Variants in NAV2 observed in about 807,000 individuals in gnomAD.
NAV2 encodes the protein helicase, APC down-regulated 1.
In NAV2, 54 loss-of-function variants were observed where a neutral mutation model predicts 223.2. The observed-to-expected ratio is 0.24, with a 90% CI of 0.19 to 0.30. The LOEUF (loss-of-function observed/expected upper bound fraction) is 0.30. Ranked by LOEUF, NAV2 falls within the 10% of genes least tolerant of loss-of-function variation. NAV2 has a pLI of 1.00. For missense variants in NAV2, 2,806 were observed against 3,147.5 expected, an observed-to-expected ratio of 0.89 and a Z score of 2.60; for synonymous variants, 1,279 against 1,239.3, an observed-to-expected ratio of 1.03 and a Z score of -0.67.
At chr11:19,831,226 G>GGGC (rs1555083732) in intron 1 of NAV2, among the ~76,000 whole-genome samples, 1 of 83,348 alleles carries the variant, frequency 1.2e-5, no homozygotes, top group African/African-American at 4.7e-5. Flanking sequence ...AGTGTTGCGG[G>GGGC]GGGGGGGGGG....
chr11:19,534,210 G>A (rs1276131512), intron 1 of NAV2, among the ~76,000 whole-genome samples: 3 of 152,062 alleles, frequency 2.0e-5, no homozygotes, highest in African/African-American at 7.3e-5. Flanking sequence ...CCAACCCCTG[G>A]TAGCATCGTG....
At chr11:19,696,176 T>TAA (rs936865139) in intron 1 of NAV2, among the ~76,000 whole-genome samples, 1 of 151,490 alleles carries the variant, frequency 6.6e-6, no homozygotes, top group African/African-American at 2.4e-5. Context: ...GAAAAAAAAA[T>TAA]AAAAAAAATA....
intron 1 of NAV2, among the ~76,000 whole-genome samples, chr11:19,517,114 A>G (rs2043481454): frequency 6.6e-6 from 1 of 152,106 alleles, no homozygotes; most frequent in Non-Finnish European, 1.5e-5. Context: ...TTGGTGAGAA[A>G]GTAGTAGAAG....
intron 1 of NAV2, among the ~76,000 whole-genome samples, chr11:19,571,747 T>A (rs995100212): frequency 6.6e-6 from 1 of 152,138 alleles, no homozygotes; most frequent in Non-Finnish European, 1.5e-5. Flanking sequence ...TTTTATGTTA[T>A]GTCGATTTTA....
At position 19,528,659 on chromosome 11, in the gene NAV2, C is replaced by T. The variant is rs141362873; in HGVS notation, c.75+177632C>T. On this transcript the variant is annotated intron_variant, in intron 1 of 37. Coordinates refer to the NAV2 transcript ENST00000360655. ...TTTTTAAGAATGGGAAGGCCGGGCA[C>T]GGTGGCTTATGCCTGTAATCCCAGC... is the stretch of plus-strand genomic sequence containing the variant. Among the ~76,000 whole-genome samples the T allele has an allele frequency of 1.3e-3, 190 of 151,268 alleles. 2 individuals are homozygous for T. Among genetic ancestry groups the T allele is most frequent in the African/African-American group, 4.4e-3 (179 of 40,640 alleles).
intron 1 of NAV2, among the ~76,000 whole-genome samples, chr11:19,583,813 A>T (rs994296418): frequency 3.3e-5 from 5 of 152,336 alleles, no homozygotes; most frequent in East Asian, 1.9e-4. Context: ...ATCAATGTTC[A>T]TCAGGGATAT....
In NAV2 at chr11:19,479,595, C is replaced by T. The variant is rs764305508; in HGVS notation, c.75+128568C>T. Among the ~76,000 whole-genome samples the T allele has an allele frequency of 2.5e-4, 38 of 152,166 alleles. 1 individual carries two copies. The highest frequency in any genetic ancestry group is 8.2e-4 in the African/African-American group (34 of 41,432). ...ATCACTAAATGGCAGAACTGGGATT[C>T]GGAACTAAGCTCCTGCCTCTATGTT... On this transcript the variant is annotated intron_variant, in intron 1 of 37. Transcript: ENST00000360655.
intron 10 of NAV2, among the ~76,000 whole-genome samples, chr11:19,977,431 A>C (rs1374976034): frequency 6.6e-6 from 1 of 152,208 alleles, no homozygotes; most frequent in Non-Finnish European, 1.5e-5. Flanking sequence ...GGAAGAGGCA[A>C]TACTGTGTTC....
At chr11:19,603,760 A>G (rs931762650) in intron 1 of NAV2, among the ~76,000 whole-genome samples, 1 of 152,172 alleles carries the variant, frequency 6.6e-6, no homozygotes, top group African/African-American at 2.4e-5. Flanking sequence ...ACAAAGATGT[A>G]TAACATTAAC....
At chr11:20,100,886 A>C (rs1173090070) in intron 31 of NAV2, 51 bp from the exon 32 acceptor site, 1 of 1,519,992 alleles carries the variant, frequency 6.6e-7, no homozygotes, top group Admixed American at 1.7e-5. Flanking sequence ...AAGCACAGAG[A>C]GCTGCCTTTT....
intron 1 of NAV2, among the ~76,000 whole-genome samples, chr11:19,732,235 G>A (rs1057478662): frequency 6.6e-6 from 1 of 151,768 alleles, no homozygotes. Context: ...CTCCAGCCTG[G>A]GTGACAGAGT....
chr11:19,358,266 A>T (rs1853734876), intron 1 of NAV2, among the ~76,000 whole-genome samples: 1 of 152,214 alleles, frequency 6.6e-6, no homozygotes, highest in Non-Finnish European at 1.5e-5. Context: ...AAGATGAGGA[A>T]CAACATTGCA....
At chr11:19,476,134 C>G (rs537961354) in intron 1 of NAV2, among the ~76,000 whole-genome samples, 4 of 152,132 alleles carry the variant, frequency 2.6e-5, no homozygotes, top group African/African-American at 9.7e-5. Context: ...GCCACCATGT[C>G]CAGCTAATTT....
At chr11:20,093,533 A>G (rs1468116221) in intron 29 of NAV2, among the ~76,000 whole-genome samples, 2 of 152,222 alleles carry the variant, frequency 1.3e-5, no homozygotes, top group Non-Finnish European at 2.9e-5. Flanking sequence ...AGAGGCAGCT[A>G]TGCACATTCA....
At chr11:20,102,338 C>T (rs1389213430) in intron 32 of NAV2, among the ~76,000 whole-genome samples, 1 of 152,112 alleles carries the variant, frequency 6.6e-6, no homozygotes, top group Non-Finnish European at 1.5e-5. Flanking sequence ...AGATGTTACC[C>T]CCTGAGCAAG....
intron 1 of NAV2, among the ~76,000 whole-genome samples, chr11:19,391,418 C>A (rs997884502): frequency 6.6e-6 from 1 of 152,230 alleles, no homozygotes; most frequent in African/African-American, 2.4e-5. Context: ...ATGACTTCAT[C>A]ATCACCCTCG....
At chr11:19,505,090 C>CCGTCTGTCA (rs2043083461) in intron 1 of NAV2, 1 of 152,218 alleles carries the variant, frequency 6.6e-6, no homozygotes, top group Admixed American at 6.5e-5. Context: ...AGCTGTACTT[C>CCGTCTGTCA]CGTCTGTCAC....
intron 1 of NAV2, among the ~76,000 whole-genome samples, chr11:19,795,903 A>G (rs1278056955): frequency 1.3e-5 from 2 of 152,116 alleles, no homozygotes; most frequent in East Asian, 1.9e-4. Flanking sequence ...ATATACTTTC[A>G]TTTGTCAGTT....
chr11:19,740,962 T>C (rs907071020), intron 1 of NAV2, among the ~76,000 whole-genome samples: 4 of 152,126 alleles, frequency 2.6e-5, no homozygotes, highest in Admixed American at 1.3e-4. Context: ...CTGCTTCCAA[T>C]AGCAGCCAAC....
Sources: gnomAD v4.1 joint callset for allele counts (sites outside exome capture counted in the v4.1 genomes callset) on GRCh38, gnomAD v4.1.1 for gene constraint, MANE v1.5 for transcripts, NCBI Gene and HGNC (gene_info 2026-07-23, HGNC 2026-07-21) for gene names.